PPARG: variants seen among roughly 807,000 people sequenced by gnomAD.
PPARG encodes the protein peroxisome proliferator activated receptor gamma, also known as peroxisome proliferator-activated receptor gamma.
PPARG carries 17 observed loss-of-function variants against 39.2 expected under a neutral mutation model. The observed-to-expected ratio is 0.43, with a 90% CI of 0.30 to 0.65. The LOEUF (loss-of-function observed/expected upper bound fraction) is 0.65, where lower values mean the gene tolerates loss of function less well. Ranked by LOEUF, PPARG falls within the 30% of genes least tolerant of loss-of-function variation. The pLI is 0.13. For synonymous variants in PPARG, 223 were observed against 215.7 expected (o/e 1.03, Z -0.30); for missense variants, 406 against 585.9 (o/e 0.69, Z 3.17).
chr3:12,321,768 C>T (rs1341934348), intron 2 of PPARG, among the ~76,000 whole-genome samples: 1 of 152,198 alleles, frequency 6.6e-6, no homozygotes, highest in Non-Finnish European at 1.5e-5. Context: ...AGTGTCCTCT[C>T]ACAGTGCTGA....
At chr3:12,348,229 G>A (rs1044433569) in intron 2 of PPARG, among the ~76,000 whole-genome samples, 11 of 151,942 alleles carry the variant, frequency 7.2e-5, no homozygotes, top group Non-Finnish European at 1.0e-4. Flanking sequence ...ACTTTATATA[G>A]GTTCAATACC....
At chr3:12,329,531 G>C (rs773426978) in intron 2 of PPARG, among the ~76,000 whole-genome samples, 1 of 152,190 alleles carries the variant, frequency 6.6e-6, no homozygotes, top group Non-Finnish European at 1.5e-5. Context: ...AAACCATGTT[G>C]TGTATTTTAT....
chr3:12,316,920 G>A (rs1443603067), intron 2 of PPARG, among the ~76,000 whole-genome samples: 3 of 152,108 alleles, frequency 2.0e-5, no homozygotes, highest in African/African-American at 7.2e-5. Flanking sequence ...GAAAAGCCCC[G>A]TAAGAAATAT....
intron 7 of PPARG, among the ~76,000 whole-genome samples, chr3:12,420,149 C>T (rs542506830): frequency 2.6e-5 from 4 of 152,218 alleles, no homozygotes; most frequent in South Asian, 2.1e-4. Flanking sequence ...CCCACATATA[C>T]GAAGGGAAGC....
chr3:12,402,774 C>T (rs1228884679), intron 5 of PPARG, among the ~76,000 whole-genome samples: 1 of 152,148 alleles, frequency 6.6e-6, no homozygotes, highest in East Asian at 1.9e-4. Context: ...CTCCGCACTC[C>T]TCAATTAGGA....
intron 1 of PPARG, chr3:12,301,709 C>G (rs1426480960): frequency 6.6e-6 from 1 of 152,178 alleles, no homozygotes; most frequent in Non-Finnish European, 1.5e-5. Context: ...TCCATGCTCT[C>G]CACTGCTGGG....
At chr3:12,292,534 G>C (rs2046672992) in intron 1 of PPARG, among the ~76,000 whole-genome samples, 1 of 152,152 alleles carries the variant, frequency 6.6e-6, no homozygotes, top group Non-Finnish European at 1.5e-5. Flanking sequence ...GTGTTTTAGT[G>C]GCTTGAAAGG....
intron 2 of PPARG, among the ~76,000 whole-genome samples, chr3:12,345,773 G>A (rs1409368517): frequency 6.6e-6 from 1 of 152,232 alleles, no homozygotes; most frequent in East Asian, 1.9e-4. Context: ...CTGAAACTGA[G>A]TGCAGCTCCG....
chr3:12,376,930 G>A (rs1461805383), intron 2 of PPARG, among the ~76,000 whole-genome samples: 1 of 152,102 alleles, frequency 6.6e-6, no homozygotes, highest in Non-Finnish European at 1.5e-5. Flanking sequence ...TCTGTCTCCC[G>A]TGTGAGCAGT....
At chr3:12,288,637 C>T (rs2124910978), upstream of PPARG, among the ~76,000 whole-genome samples, 1 of 151,980 alleles carries the variant, frequency 6.6e-6, no homozygotes, top group African/African-American at 2.4e-5. Flanking sequence ...CCAGGGGCGA[C>T]CGCCGCTTGG....
At chr3:12,420,613 A>G (rs2051227491) in intron 7 of PPARG, among the ~76,000 whole-genome samples, 1 of 140,280 alleles carries the variant, frequency 7.1e-6, no homozygotes, top group Non-Finnish European at 1.5e-5. Flanking sequence ...GATGTGCGTC[A>G]TCTAAGAGTG....
chr3:12,335,474 G>A (rs2047985169), intron 2 of PPARG, among the ~76,000 whole-genome samples: 1 of 152,148 alleles, frequency 6.6e-6, no homozygotes, highest in Non-Finnish European at 1.5e-5. Context: ...TGGTTCCTGT[G>A]TGGTGAATGT....
At chr3:12,333,093 A>C in intron 2 of PPARG, among the ~76,000 whole-genome samples, 1 of 152,180 alleles carries the variant, frequency 6.6e-6, no homozygotes, top group East Asian at 1.9e-4. Flanking sequence ...GTCATGAGCC[A>C]ACTGCATAGG....
chr3:12,327,162 G>T (rs2047718594), intron 2 of PPARG, among the ~76,000 whole-genome samples: 1 of 152,168 alleles, frequency 6.6e-6, no homozygotes. Context: ...AAGAGAAGGA[G>T]ACTGGATGTT....
chr3:12,318,641 C>T (rs2047452406), intron 2 of PPARG, among the ~76,000 whole-genome samples: 1 of 152,120 alleles, frequency 6.6e-6, no homozygotes, highest in African/African-American at 2.4e-5. Flanking sequence ...TTTGGGGGTT[C>T]AGTGTCTCCT....
At chr3:12,354,593 A>C (rs1435814162) in intron 2 of PPARG, among the ~76,000 whole-genome samples, 1 of 152,032 alleles carries the variant, frequency 6.6e-6, no homozygotes, top group African/African-American at 2.4e-5. Context: ...CTCTACTAAA[A>C]ATACAAAAAA....
intron 5 of PPARG, among the ~76,000 whole-genome samples, chr3:12,397,873 T>C (rs2050324659): frequency 6.6e-6 from 1 of 152,136 alleles, no homozygotes; most frequent in Admixed American, 6.6e-5. Flanking sequence ...CCGCCCATGT[T>C]GGAGCCCACC....
intron 2 of PPARG, among the ~76,000 whole-genome samples, chr3:12,364,621 A>G (rs901910970): frequency 4.6e-5 from 7 of 152,212 alleles, no homozygotes; most frequent in African/African-American, 1.7e-4. Flanking sequence ...TTTATAAGAA[A>G]TGGCCACACT....
At chr3:12,370,633 C>T (rs1179376404) in intron 2 of PPARG, among the ~76,000 whole-genome samples, 1 of 152,186 alleles carries the variant, frequency 6.6e-6, no homozygotes, top group African/African-American at 2.4e-5. Flanking sequence ...AAATATTGCA[C>T]ACTGTGCTTT....
Sources: allele counts gnomAD v4.1 joint callset (sites outside exome capture counted in the v4.1 genomes callset), GRCh38; gene constraint gnomAD v4.1.1; transcripts MANE v1.5; gene names NCBI Gene and HGNC (gene_info 2026-07-23, HGNC 2026-07-21).